Variants in TXNIP observed in about 807,000 individuals in gnomAD.
The protein encoded by TXNIP is thioredoxin-interacting protein.
TXNIP carries 23 observed loss-of-function variants against 43.9 expected under a neutral mutation model. The observed-to-expected ratio is 0.52, with a 90% CI of 0.38 to 0.74. The LOEUF (loss-of-function observed/expected upper bound fraction) is 0.74, where lower values mean the gene tolerates loss of function less well. Among genes scored for constraint, TXNIP ranks in the 30% least tolerant of loss-of-function variants. The pLI, the probability that TXNIP is intolerant of heterozygous loss-of-function variation, is 0.00. For missense variants in TXNIP, 555 were observed against 485.4 expected, an observed-to-expected ratio of 1.14 and a Z score of -1.35; for synonymous variants, 234 against 172.2, an observed-to-expected ratio of 1.36 and a Z score of -2.81.
At position 145,996,146 on chromosome 1, in the gene TXNIP, C is replaced by G. The variant is rs1436285783; in HGVS notation, c.121G>C (p.Val41Leu). 3 of 1,613,940 alleles carry G rather than the reference C, an allele frequency of 1.9e-6. No individual in the cohort carries two copies. The highest frequency in any genetic ancestry group is 2.5e-6 in the Non-Finnish European group (3 of 1,180,012). ...CAAGCCAGGATCCTAACGGCTTTGACACGAGTAACTTCACACACCTCCACT... is the reference window on the plus strand; with the variant it reads ...CAAGCCAGGATCCTAACGGCTTTGAGACGAGTAACTTCACACACCTCCACT... ...VIVEVCEVTR[V>L]KAVRILACGV... The change falls in exon 1 of 8, where the codon GTC (valine) becomes CTC (leucine). Residue 41 changes from valine (V) to leucine (L), a missense_variant. Transcript: ENST00000582401.
rs781922861 is a variant in TXNIP, at chr1:145,993,845, A to G, written c.*6T>C. 2.5e-6 allele frequency: 4 copies of G among 1,614,154 alleles called. No individual in the cohort carries two copies. Among genetic ancestry groups the G allele is most frequent in the Non-Finnish European group, 2.5e-6 (3 of 1,180,008 alleles). On this transcript the variant is annotated 3_prime_UTR_variant, in exon 8 of 8. Coordinates refer to ENST00000582401, the MANE Select transcript of TXNIP (RefSeq NM_006472.6). The stretch of plus-strand genomic sequence containing the variant: ...TAGGTAAAGCTGCTTCTTTTCTTCC[A>G]CATGCTCACTGCACATTGTTGTTGA...
chr1:145,994,875 C>CCTTGCCCCTAA, intron 4 of TXNIP, 54 bp downstream of exon 4: 1 of 1,613,876 alleles, frequency 6.2e-7, no homozygotes, highest in Non-Finnish European at 8.5e-7. Context: ...AGTCCCATGC[C>CCTTGCCCCTAA]CTTGCCCCTA....
At position 145,994,803 on chromosome 1, in the gene TXNIP, AG is replaced by A. The variant is rs782334135; in HGVS notation, c.575-4del. 6.2e-7 allele frequency: 1 copy of A among 1,614,186 alleles called. No homozygotes were observed. The highest frequency in any genetic ancestry group is 1.1e-5 in the South Asian group (1 of 91,086). ...AGCATGGATGGAAATCTCATCACCT[AG>A]CAATGAGAAAGATGAAAACTTACTG... On this transcript the variant is annotated splice_polypyrimidine_tract_variant and splice_region_variant and intron_variant, in intron 4 of 7. Transcript: ENST00000582401.
chr1:145,995,423 C>T lies in TXNIP; in HGVS notation c.304G>A (p.Gly102Ser), dbSNP rs782138216. The T allele has an allele frequency of 1.5e-5, 25 of 1,613,682 alleles. No homozygotes were observed. The highest frequency in any genetic ancestry group is 5.5e-5 in the South Asian group (5 of 90,968). The stretch of plus-strand genomic sequence containing the variant: ...ATTTACCCCTGAGGAAGCTCAAAGC[C>T]GAACTTGTACTCATATTTGTTTCCA... ...RPGNKYEYKF[G>S]FELPQGPLGT... Residue 102 changes from glycine (G) to serine (S), a missense_variant, in exon 2 of 8, where the codon GGC becomes AGC. Transcript: ENST00000582401.
Position 145,994,273 on chromosome 1 carries a change from T to TGG in TXNIP, c.988+6_988+7dup. On this transcript the variant is annotated splice_region_variant and intron_variant, in intron 6 of 7. Transcript: ENST00000582401. ...AGAAACAAAGAAAAGACATTAGGTC[T>TGG]GGCTCACCTTCTGGGGTATCAGGGA... 6.2e-7 allele frequency: 1 copy of TGG among 1,613,750 alleles called. No individual in the cohort carries two copies. Among genetic ancestry groups the TGG allele is most frequent in the Non-Finnish European group, 8.5e-7 (1 of 1,179,826 alleles).
rs782398588 is a variant in TXNIP, at chr1:145,996,394, G to A, written c.-128C>T. The stretch of plus-strand genomic sequence containing the variant: ...ATTAAGGTATTCTTAAGCAGTTTGA[G>A]CTTAAAAATAAAATAAGATTTAAAC... On this transcript the variant is annotated 5_prime_UTR_variant, in exon 1 of 8. Transcript: ENST00000582401. The A allele has an allele frequency of 1.7e-6, 2 of 1,172,150 alleles. No individual in the cohort carries two copies. The highest frequency in any genetic ancestry group is 2.4e-6 in the Non-Finnish European group (2 of 836,602). 72.6% of individuals were successfully genotyped at this position (1,172,150 alleles called of 1,614,324 possible). A position where few individuals can be genotyped will look rare whatever the true frequency, so the allele number is the denominator to read the frequency against.
At chr1:145,993,942 T>C in intron 7 of TXNIP, 56 bp from the exon 8 acceptor site, 1 of 1,613,740 alleles carries the variant, frequency 6.2e-7, no homozygotes, top group Non-Finnish European at 8.5e-7. Flanking sequence ...AACAAACCAG[T>C]TTAGCAATCC....
chr1:145,994,236 C>G (rs773429287), intron 6 of TXNIP, 45 bp downstream of exon 6: 1 of 1,612,990 alleles, frequency 6.2e-7, no homozygotes, highest in Non-Finnish European at 8.5e-7. Flanking sequence ...ATTTTACAAA[C>G]CCAGGTAGAC....
At position 145,993,534 on chromosome 1, in the gene TXNIP, A is replaced by C; in HGVS notation, c.*317T>G. On this transcript the variant is annotated 3_prime_UTR_variant, in exon 8 of 8. Coordinates refer to ENST00000582401, the MANE Select transcript of TXNIP (RefSeq NM_006472.6). ...AAGCTTACGCCAGGAGGCCATTTTTACCTGACCCGAAACTATCGAAAAGGC... is the reference window on the plus strand; with the variant it reads ...AAGCTTACGCCAGGAGGCCATTTTTCCCTGACCCGAAACTATCGAAAAGGC... 4.1e-6 allele frequency: 1 copy of C among 245,254 alleles called. No homozygotes were observed. The highest frequency in any genetic ancestry group is 8.0e-6 in the Non-Finnish European group (1 of 124,728). The allele number at this position is 245,254 out of a possible 1,614,324, so 15.2% of individuals were successfully genotyped here.
intron 2 of TXNIP, 39 bp from the exon 3 acceptor site, chr1:145,995,330 G>A (rs1553766315): frequency 2.0e-5 from 32 of 1,610,366 alleles, no homozygotes; most frequent in Non-Finnish European, 2.5e-5. Flanking sequence ...CGCTCTCCAA[G>A]AACAGTAAGT....
At chr1:145,995,370 G>T (rs782625789) in intron 2 of TXNIP, 34 bp downstream of exon 2, 1 of 1,610,402 alleles carries the variant, frequency 6.2e-7, no homozygotes. Flanking sequence ...ATTTTAGACA[G>T]AAAAGTTCAA....
At position 145,994,446 on chromosome 1, in the gene TXNIP, G is replaced by A. The variant is rs1198526578; in HGVS notation, c.832-9C>T. 1.9e-6 allele frequency: 3 copies of A among 1,613,428 alleles called. No homozygotes were observed. The highest frequency in any genetic ancestry group is 1.3e-5 in the African/African-American group (1 of 74,904). On this transcript the variant is annotated splice_polypyrimidine_tract_variant and intron_variant, in intron 5 of 7. Coordinates refer to ENST00000582401, the MANE Select transcript of TXNIP (RefSeq NM_006472.6). Reference sequence around the variant, plus strand: ...GGAACGCTAACATAGATCTAGAAAGGAAGATGGCAGTTTATTACACCAGAG... The same window carrying A: ...GGAACGCTAACATAGATCTAGAAAGAAAGATGGCAGTTTATTACACCAGAG...
chr1:145,994,177 A>C lies in TXNIP; in HGVS notation c.989-10T>G, dbSNP rs1553765934. ...ATATAGCAGGGAGGAGCTAGAAAAGAAAATATGGCCACATAAGAATCCTGC... is the reference window on the plus strand; with the variant it reads ...ATATAGCAGGGAGGAGCTAGAAAAGCAAATATGGCCACATAAGAATCCTGC... On this transcript the variant is annotated splice_polypyrimidine_tract_variant and intron_variant, in intron 6 of 7. Coordinates refer to ENST00000582401, the MANE Select transcript of TXNIP (RefSeq NM_006472.6). 1 of 1,614,008 alleles carries C rather than the reference A, an allele frequency of 6.2e-7. No individual in the cohort carries two copies.
chr1:145,994,002 A>G lies in TXNIP; in HGVS notation c.1140+14T>C, dbSNP rs782480588. ...GCTTAGGACAAATTTAACAGTAAAG[A>G]TGACAATCCTCACCTCAGTATAAGT... On this transcript the variant is annotated intron_variant, in intron 7 of 7. Coordinates refer to ENST00000582401, the MANE Select transcript of TXNIP (RefSeq NM_006472.6). 37 of 1,614,038 alleles carry G rather than the reference A, an allele frequency of 2.3e-5. No individual in the cohort carries two copies. Among genetic ancestry groups the G allele is most frequent in the Non-Finnish European group, 3.1e-5 (37 of 1,180,020 alleles).
At position 145,996,536 on chromosome 1, in the gene TXNIP, C is replaced by A. The variant is rs1651547782; in HGVS notation, c.-270G>T. On this transcript the variant is annotated 5_prime_UTR_variant, in exon 1 of 8. Coordinates refer to ENST00000582401, the MANE Select transcript of TXNIP (RefSeq NM_006472.6). The stretch of plus-strand genomic sequence containing the variant: ...TCCCCCAATTGCTGGAGAAAAGATC[C>A]GATCTCCACAAGCACTCCTTTGGAG... 2 of 341,186 alleles carry A rather than the reference C, an allele frequency of 5.9e-6. No individual in the cohort carries two copies. Among genetic ancestry groups the A allele is most frequent in the Non-Finnish European group, 5.5e-6 (1 of 182,832 alleles). 21.1% of individuals were successfully genotyped at this position (341,186 alleles called of 1,614,324 possible).
At position 145,993,551 on chromosome 1, in the gene TXNIP, C is replaced by T. The variant is rs1430590223; in HGVS notation, c.*300G>A. The T allele has an allele frequency of 1.7e-5, 5 of 291,416 alleles. No homozygotes were observed. Among genetic ancestry groups the T allele is most frequent in the African/African-American group, 6.5e-5 (3 of 46,368 alleles). The allele number at this position is 291,416 out of a possible 1,614,324, so 18.1% of individuals were successfully genotyped here. A position where few individuals can be genotyped will look rare whatever the true frequency, so the allele number is the denominator to read the frequency against. ...CCATTTTTACCTGACCCGAAACTAT[C>T]GAAAAGGCCTCAATTTTCAAGGAGA... On this transcript the variant is annotated 3_prime_UTR_variant, in exon 8 of 8. Transcript: ENST00000582401.
rs782149404 is a variant in TXNIP, at chr1:145,995,176, C to G, written c.439G>C (p.Asp147His). Residue 147 changes from aspartate (D) to histidine (H), a missense_variant, in exon 3 of 8, where the codon GAT becomes CAT. Physicochemically the swap from Asp to His is moderately conservative, Grantham distance 81. Transcript: ENST00000582401. ...TCAGGGGTATTGACATCCACCAGAT[C>G]CACTACTTCAAAGTTTTTCTTTGTC... The part of the protein sequence containing the change: ...QETKKNFEVV[D>H]LVDVNTPDLM... 1 of 1,614,140 alleles carries G rather than the reference C, an allele frequency of 6.2e-7. No individual in the cohort carries two copies. Among genetic ancestry groups the G allele is most frequent in the Non-Finnish European group, 8.5e-7 (1 of 1,180,030 alleles).
intron 4 of TXNIP, 48 bp downstream of exon 4, chr1:145,994,881 C>T (rs782337196): frequency 6.2e-7 from 1 of 1,613,946 alleles, no homozygotes; most frequent in Non-Finnish European, 8.5e-7. Flanking sequence ...ATGCCCTTGC[C>T]CCTAAACCCA....
rs1032186413 is a variant in TXNIP at position 145,994,597 on chromosome 1, T to G, written c.778A>C (p.Ile260Leu). ...WRGKSLRVQK[I>L]RPSILGCNIL... is the part of the protein sequence containing the mutation. Reference sequence around the variant, plus strand: ...TTGCAGCCCAGGATAGAAGGCCTGATCTTCTGAACCCGAAGGCTCTTGCCA... The same window carrying G: ...TTGCAGCCCAGGATAGAAGGCCTGAGCTTCTGAACCCGAAGGCTCTTGCCA... Residue 260 changes from isoleucine to leucine, a missense_variant, in exon 5 of 8, where the codon ATC (isoleucine) becomes CTC (leucine). Transcript: ENST00000582401. The G allele has an allele frequency of 1.9e-6, 3 of 1,614,080 alleles. No individual in the cohort carries two copies. Among genetic ancestry groups the G allele is most frequent in the Non-Finnish European group, 2.5e-6 (3 of 1,180,036 alleles).
Sources: allele counts gnomAD v4.1 joint callset, GRCh38; gene constraint gnomAD v4.1.1; transcripts MANE v1.5; gene names NCBI Gene and HGNC (gene_info 2026-07-23, HGNC 2026-07-21).